The following LRRC53 variants were observed in gnomAD, a reference collection of about 807,000 sequenced individuals.
The protein encoded by LRRC53 is leucine rich repeat containing 53.
A neutral mutation model predicts 13.6 loss-of-function variants in LRRC53; 25 were observed. The ratio of observed to expected loss-of-function variants is 1.83; its 90% CI spans 1.34 to 2.56. LRRC53 has a LOEUF of 2.56. LRRC53 is among the 30% of genes most tolerant of loss of function. LRRC53 has a pLI of 0.00. For synonymous variants in LRRC53, 204 were observed against 109.8 expected (o/e 1.86, Z -5.37); for missense variants, 527 against 275.8 (o/e 1.91, Z -6.45).
chr1:74,473,649 A>G (rs954643354), intron 4 of LRRC53, among the ~76,000 whole-genome samples: 1 of 152,052 alleles, frequency 6.6e-6, no homozygotes, highest in Non-Finnish European at 1.5e-5. Context: ...AATTTTCCCC[A>G]AGAGGTAAAC....
At chr1:74,504,182 C>A (rs1669774028) in intron 1 of LRRC53, among the ~76,000 whole-genome samples, 2 of 152,204 alleles carry the variant, frequency 1.3e-5, no homozygotes, top group Non-Finnish European at 2.9e-5. Context: ...TTGCATGCTT[C>A]TGGTATCTTA....
chr1:74,491,579 A>G (rs1001128703), intron 1 of LRRC53, among the ~76,000 whole-genome samples: 2 of 152,180 alleles, frequency 1.3e-5, no homozygotes, highest in Non-Finnish European at 2.9e-5. Context: ...AAACTATCAC[A>G]TGGTAAAGGG....
At chr1:74,493,117 A>G (rs527379965) in intron 1 of LRRC53, among the ~76,000 whole-genome samples, 1 of 152,188 alleles carries the variant, frequency 6.6e-6, no homozygotes, top group Non-Finnish European at 1.5e-5. Context: ...GGGTTTCAAC[A>G]TATGAATTTG....
chr1:74,527,789 C>T, the LRRC53 span, among the ~76,000 whole-genome samples: 53 of 152,280 alleles, frequency 3.5e-4, no homozygotes, highest in East Asian at 8.5e-3. Flanking sequence ...ATGATTTAGT[C>T]CAAAACCATT....
At position 74,473,493 on chromosome 1, in the gene LRRC53, G is replaced by A. The variant is rs145148647; in HGVS notation, c.1421-1292C>T. Among the ~76,000 whole-genome samples the A allele has an allele frequency of 5.5e-3, 824 of 150,904 alleles. 8 individuals are homozygous for A. Among genetic ancestry groups the A allele is most frequent in the African/African-American group, 0.019 (792 of 41,110 alleles). ...ATCTTAACTGCAAAACATCTTAACC[G>A]CAAAAAATCCTAACAGCACTATTGC... On this transcript the variant is annotated intron_variant, in intron 4 of 4. Transcript: ENST00000294635.
intron 1 of LRRC53, among the ~76,000 whole-genome samples, chr1:74,506,048 A>G (rs886136739): frequency 3.9e-5 from 6 of 152,172 alleles, no homozygotes; most frequent in African/African-American, 9.7e-5. Context: ...AGTGTTAACT[A>G]TGCCACTAAG....
chr1:74,491,181 C>T (rs1478924190), intron 1 of LRRC53, among the ~76,000 whole-genome samples: 2 of 152,114 alleles, frequency 1.3e-5, no homozygotes, highest in Non-Finnish European at 2.9e-5. Context: ...TGATGCTTAT[C>T]ACAGAAAAGA....
intron 1 of LRRC53, among the ~76,000 whole-genome samples, chr1:74,486,814 A>T (rs989102493): frequency 6.6e-6 from 1 of 152,102 alleles, no homozygotes; most frequent in African/African-American, 2.4e-5. Flanking sequence ...AAAAAAATAA[A>T]ATAAGAAAAT....
chr1:74,531,817 T>C, the LRRC53 span, among the ~76,000 whole-genome samples: 3 of 152,208 alleles, frequency 2.0e-5, no homozygotes, highest in East Asian at 3.8e-4. Context: ...AGTGTGCATA[T>C]GGCATTGATC....
At chr1:74,524,791 G>A in the LRRC53 span, among the ~76,000 whole-genome samples, 2 of 151,992 alleles carry the variant, frequency 1.3e-5, no homozygotes, top group East Asian at 1.9e-4. Flanking sequence ...GAAGTAAAGG[G>A]GCTGCCTCAT....
At position 74,500,671 on chromosome 1, in the gene LRRC53, T is replaced by C. The variant is rs1196571728; in HGVS notation, c.-27+11855A>G. Reference sequence around the variant, plus strand: ...AAAAAAAAAAAAAATTATTTAAGCCTCACTCTGTTGGAAGTAAACAAATGA... The same window carrying C: ...AAAAAAAAAAAAAATTATTTAAGCCCCACTCTGTTGGAAGTAAACAAATGA... On this transcript the variant is annotated intron_variant, in intron 1 of 4. Transcript: ENST00000294635. Among the ~76,000 whole-genome samples the C allele has an allele frequency of 9.4e-5, 11 of 117,412 alleles. 1 individual carries two copies. Among genetic ancestry groups the C allele is most frequent in the African/African-American group, 1.6e-4 (5 of 32,246 alleles). 77.0% of individuals were successfully genotyped at this position (117,412 alleles called of 152,430 possible).
chr1:74,509,082 T>C (rs145243787), intron 1 of LRRC53, among the ~76,000 whole-genome samples: 2 of 152,314 alleles, frequency 1.3e-5, no homozygotes, highest in Non-Finnish European at 2.9e-5. Flanking sequence ...ATTCAGACAC[T>C]TTCTTCTTCT....
At chr1:74,532,372 A>G in the LRRC53 span, among the ~76,000 whole-genome samples, 2 of 152,142 alleles carry the variant, frequency 1.3e-5, no homozygotes, top group African/African-American at 4.8e-5. Context: ...ATAATCCAAA[A>G]CCCTTTAACT....
upstream of LRRC53, among the ~76,000 whole-genome samples, chr1:74,515,981 A>T (rs1242380863): frequency 6.6e-6 from 1 of 152,160 alleles, no homozygotes; most frequent in Non-Finnish European, 1.5e-5. Context: ...CTTTGCAGAA[A>T]ATGTAAATGG....
At chr1:74,496,013 G>A (rs1669308736) in intron 1 of LRRC53, among the ~76,000 whole-genome samples, 1 of 152,188 alleles carries the variant, frequency 6.6e-6, no homozygotes, top group Non-Finnish European at 1.5e-5. Flanking sequence ...TGAGACAGTG[G>A]TTCTCAACTT....
the LRRC53 span, among the ~76,000 whole-genome samples, chr1:74,518,874 C>CTTTTTTTTT: frequency 3.4e-5 from 1 of 29,052 alleles, no homozygotes; most frequent in Non-Finnish European, 6.0e-5. Context: ...TTTTTTTCCC[C>CTTTTTTTTT]TTTTTTTTTT....
intron 4 of LRRC53, among the ~76,000 whole-genome samples, chr1:74,473,267 G>T (rs1043866387): frequency 6.6e-6 from 1 of 151,826 alleles, no homozygotes; most frequent in East Asian, 1.9e-4. Context: ...CTTTAAAGAA[G>T]TTGAATGCTT....
At chr1:74,478,142 A>T (rs1668297384) in intron 3 of LRRC53, among the ~76,000 whole-genome samples, 1 of 152,208 alleles carries the variant, frequency 6.6e-6, no homozygotes, top group South Asian at 2.1e-4. Flanking sequence ...AGTATAGATA[A>T]CTCACCACAC....
In LRRC53 at chr1:74,470,277, A is replaced by C. The variant is rs1040757265; in HGVS notation, c.3345T>G (p.Thr1115=). 1 of 400,648 alleles carries C rather than the reference A, an allele frequency of 2.5e-6. No individual in the cohort carries two copies. The highest frequency in any genetic ancestry group is 4.4e-6 in the Non-Finnish European group (1 of 226,170). 24.8% of individuals were successfully genotyped at this position (400,648 alleles called of 1,614,324 possible). ...ATTTTTCACTTGTTCCATTTTCCCAAGTTTGCTGCCTTTCTTTTGTGATGC... is the reference window on the plus strand; with the variant it reads ...ATTTTTCACTTGTTCCATTTTCCCACGTTTGCTGCCTTTCTTTTGTGATGC... ...LKGITKERQQ[T]WENGTSEKYI... is the part of the protein sequence containing the mutation. Residue 1115 remains threonine (T), a synonymous_variant, in exon 5 of 5, where the codon ACT becomes ACG. Coordinates refer to ENST00000294635, the MANE Select transcript of LRRC53 (RefSeq NM_001382280.1).
Sources: gnomAD v4.1 joint callset for allele counts (sites outside exome capture counted in the v4.1 genomes callset) on GRCh38, gnomAD v4.1.1 for gene constraint, MANE v1.5 for transcripts, NCBI Gene and HGNC (gene_info 2026-07-23, HGNC 2026-07-21) for gene names.